MRPS27: variants seen among roughly 807,000 people sequenced by gnomAD.
MRPS27 encodes small ribosomal subunit protein mS27.
Under a neutral mutation model 48.9 loss-of-function variants are expected in MRPS27, and 43 were observed. That is an observed-to-expected ratio of 0.88 (90% CI 0.69 to 1.13). MRPS27 has a LOEUF of 1.13. MRPS27 is among the 50% of genes most tolerant of loss of function. The pLI, the probability that MRPS27 is intolerant of heterozygous loss-of-function variation, is 0.00. For synonymous variants in MRPS27, 188 were observed against 171.9 expected, an observed-to-expected ratio of 1.09 and a Z score of -0.73; for missense variants, 467 against 476.3, an observed-to-expected ratio of 0.98 and a Z score of 0.18.
At chr5:72,246,472 C>T (rs956881749) in intron 4 of MRPS27, among the ~76,000 whole-genome samples, 2 of 152,124 alleles carry the variant, frequency 1.3e-5, no homozygotes, top group Admixed American at 6.5e-5. Context: ...AGAGTGAAGC[C>T]GTTAAGTTGA....
intron 4 of MRPS27, among the ~76,000 whole-genome samples, chr5:72,255,152 G>C (rs1473011119): frequency 1.4e-5 from 2 of 144,304 alleles, no homozygotes; most frequent in East Asian, 4.3e-4. Context: ...GGAGAATCAA[G>C]AGATTCTCCT....
rs1378029020 is a variant in MRPS27, at chr5:72,220,190, C to G, written c.*719G>C. On this transcript the variant is annotated 3_prime_UTR_variant, in exon 11 of 11. Transcript: ENST00000261413. ...CTCAGGATGCACAGTTCACCTTGGCCTCATGTACCTGGGCTGGGGAGAGGG... is the reference window on the plus strand; with the variant it reads ...CTCAGGATGCACAGTTCACCTTGGCGTCATGTACCTGGGCTGGGGAGAGGG... 1 of 152,848 alleles carries G rather than the reference C, an allele frequency of 6.5e-6. No individual in the cohort carries two copies. Among genetic ancestry groups the G allele is most frequent in the South Asian group, 2.1e-4 (1 of 4,836 alleles). The allele number at this position is 152,848 out of a possible 1,614,324, so 9.5% of individuals were successfully genotyped here. A position where few individuals can be genotyped will look rare whatever the true frequency, so the allele number is the denominator to read the frequency against.
chr5:72,290,986 A>G (rs1423241290), intron 4 of MRPS27, among the ~76,000 whole-genome samples: 3 of 152,116 alleles, frequency 2.0e-5, no homozygotes, highest in African/African-American at 7.2e-5. Flanking sequence ...ATCAAAATAA[A>G]GCGGAAATGC....
chr5:72,265,428 A>G (rs139882238), intron 4 of MRPS27, among the ~76,000 whole-genome samples: 110 of 152,338 alleles, frequency 7.2e-4, no homozygotes, highest in African/African-American at 2.6e-3. Flanking sequence ...AGGAAATACA[A>G]TTAATTATTT....
rs190195972 is a variant in MRPS27 at position 72,304,799 on chromosome 5, G to A, written c.152-7097C>T. 5.4e-4 allele frequency among the ~76,000 whole-genome samples: 82 copies of A among 152,308 alleles called. 1 individual carries two copies. Among genetic ancestry groups the A allele is most frequent in the African/African-American group, 1.9e-3 (78 of 41,568 alleles). On this transcript the variant is annotated intron_variant, in intron 2 of 10. Coordinates refer to ENST00000261413, the MANE Select transcript of MRPS27 (RefSeq NM_015084.3). ...TTATTGAATCCTTCTAGCTTCAGGT[G>A]AGAAATGGTTTCAGTTTTTCTTTTC...
chr5:72,227,802 G>A (rs1747941617), intron 8 of MRPS27: 1 of 158,822 alleles, frequency 6.3e-6, no homozygotes, highest in South Asian at 2.0e-4. Flanking sequence ...CACTTTTCCT[G>A]AAGTGCTACT....
chr5:72,242,650 C>T (rs950452988), intron 4 of MRPS27, among the ~76,000 whole-genome samples: 1 of 135,278 alleles, frequency 7.4e-6, no homozygotes, highest in Non-Finnish European at 1.6e-5. Flanking sequence ...CTAGGCAACA[C>T]AGCGAGACCC....
At chr5:72,228,800 C>G (rs569380222) in intron 7 of MRPS27, 1 of 154,050 alleles carries the variant, frequency 6.5e-6, no homozygotes, top group African/African-American at 2.4e-5. Context: ...ATGGAACAAG[C>G]TTTTGAATTT....
At chr5:72,288,459 C>T (rs977682551) in intron 4 of MRPS27, among the ~76,000 whole-genome samples, 1 of 152,196 alleles carries the variant, frequency 6.6e-6, no homozygotes, top group African/African-American at 2.4e-5. Context: ...GATCTGCCCG[C>T]CTCGGCTCCC....
intron 1 of MRPS27, among the ~76,000 whole-genome samples, chr5:72,315,942 T>G (rs563410834): frequency 1.3e-5 from 2 of 152,342 alleles, no homozygotes; most frequent in South Asian, 2.1e-4. Context: ...CACAGTAGTA[T>G]TATTCATAAC....
chr5:72,248,168 A>C (rs913866285), intron 4 of MRPS27, among the ~76,000 whole-genome samples: 1 of 152,196 alleles, frequency 6.6e-6, no homozygotes, highest in African/African-American at 2.4e-5. Context: ...CATACCAAAA[A>C]CCAAATTTTT....
At chr5:72,292,146 T>C (rs575481911) in intron 4 of MRPS27, among the ~76,000 whole-genome samples, 58 of 152,032 alleles carry the variant, frequency 3.8e-4, no homozygotes, top group African/African-American at 1.3e-3. Context: ...TTTAACTTTG[T>C]TGCTATTTTA....
At chr5:72,239,186 C>T (rs770233955) in intron 4 of MRPS27, among the ~76,000 whole-genome samples, 14 of 152,088 alleles carry the variant, frequency 9.2e-5, no homozygotes, top group East Asian at 1.9e-4. Flanking sequence ...ATTTGAGAGT[C>T]GAGGGTACAG....
chr5:72,273,093 C>T (rs1321158758), intron 4 of MRPS27, among the ~76,000 whole-genome samples: 1 of 152,100 alleles, frequency 6.6e-6, no homozygotes, highest in Non-Finnish European at 1.5e-5. Context: ...ATTTTACTCC[C>T]ATTTCTCCTG....
At position 72,312,939 on chromosome 5, in the gene MRPS27, T is replaced by C. The variant is rs367726324; in HGVS notation, c.151+1142A>G. ...AGCCATATACTGGTTTTTAAAACAG[T>C]AAGTATAGATAGATTATATTAACTA... On this transcript the variant is annotated intron_variant, in intron 2 of 10. Coordinates refer to ENST00000261413, the MANE Select transcript of MRPS27 (RefSeq NM_015084.3). 5.8e-4 allele frequency among the ~76,000 whole-genome samples: 88 copies of C among 152,250 alleles called. 1 individual carries two copies. In the South Asian group the frequency reaches 0.015, roughly 26 times the overall value.
intron 5 of MRPS27, 98 bp from the exon 6 acceptor site, chr5:72,234,295 AT>A: frequency 9.8e-7 from 1 of 1,021,378 alleles, no homozygotes; most frequent in Non-Finnish European, 1.3e-6. Flanking sequence ...ACTTGCCACC[AT>A]TAGCTTTAAA....
intron 2 of MRPS27, among the ~76,000 whole-genome samples, chr5:72,307,673 TA>T (rs58455541): frequency 0.18 from 26,084 of 145,968 alleles, 2,364 homozygotes; most frequent in East Asian, 0.34. Flanking sequence ...GTTAAAACAC[TA>T]AAAAAAAAAA....
rs776414540 is a variant in MRPS27, at chr5:72,295,572, G to GGAAATC, written c.239_240insGATTTC (p.Ile79_Ser80dup). 1.2e-6 allele frequency: 2 copies of GGAAATC among 1,610,466 alleles called. No homozygotes were observed. The highest frequency in any genetic ancestry group is 1.7e-6 in the Non-Finnish European group (2 of 1,176,880). On this transcript the variant is annotated inframe_insertion, in exon 4 of 11. Transcript: ENST00000261413. Reference sequence around the variant, plus strand: ...CTGCATGATCTATCTCTTCCCGAGAGGAAATGTTGTCTATAAGCTAAAAGA... The same window carrying GGAAATC: ...CTGCATGATCTATCTCTTCCCGAGAGGAAATCGAAATGTTGTCTATAAGCTAAAAGA...
At chr5:72,282,092 AC>A (rs1749548629) in intron 4 of MRPS27, among the ~76,000 whole-genome samples, 2 of 152,322 alleles carry the variant, frequency 1.3e-5, no homozygotes, top group Admixed American at 6.5e-5. Flanking sequence ...CCTGTTCAAA[AC>A]AAACATACCT....
Sources: gnomAD v4.1 joint callset for allele counts (sites outside exome capture counted in the v4.1 genomes callset) on GRCh38, gnomAD v4.1.1 for gene constraint, MANE v1.5 for transcripts, NCBI Gene and HGNC (gene_info 2026-07-23, HGNC 2026-07-21) for gene names.